Variants in INTS4 observed in about 807,000 individuals in gnomAD.
The protein encoded by INTS4 is integrator complex subunit 4, also known as MSTP093.
Under a neutral mutation model 119.5 loss-of-function variants are expected in INTS4, and 70 were observed. The ratio of observed to expected loss-of-function variants is 0.59; its 90% CI spans 0.48 to 0.71. The LOEUF (loss-of-function observed/expected upper bound fraction) is 0.71, where lower values mean the gene tolerates loss of function less well. Among genes scored for constraint, INTS4 ranks in the 30% least tolerant of loss-of-function variants. INTS4 has a pLI of 0.00. For synonymous variants in INTS4, 316 were observed against 419.6 expected, an observed-to-expected ratio of 0.75 and a Z score of 3.02; for missense variants, 867 against 1,173.2, an observed-to-expected ratio of 0.74 and a Z score of 3.81.
intron 4 of INTS4, among the ~76,000 whole-genome samples, chr11:77,966,976 C>T (rs1855529621): frequency 6.6e-6 from 1 of 152,164 alleles, no homozygotes; most frequent in Admixed American, 6.5e-5. Flanking sequence ...TACCAATGCA[C>T]AAGGGTTCCA....
At chr11:77,907,986 T>TA (rs1375105942) in intron 15 of INTS4, among the ~76,000 whole-genome samples, 176 bp from the exon 16 acceptor site, 1 of 152,230 alleles carries the variant, frequency 6.6e-6, no homozygotes, top group Non-Finnish European at 1.5e-5. Context: ...ACTGTGATAG[T>TA]AGTTTAAGCT....
At chr11:77,886,443 G>A (rs1273067075) in intron 21 of INTS4, among the ~76,000 whole-genome samples, 3 of 151,098 alleles carry the variant, frequency 2.0e-5, no homozygotes, top group Non-Finnish European at 4.4e-5. Flanking sequence ...GAAGGCCCGC[G>A]GCGGGTGTTG....
rs1253373462 is a variant in INTS4, at chr11:77,941,131, C to T, written c.990+49G>A. ...CAACACAACTCAGCATACTGCCCCA[C>T]TACATTGGTTACAGAAACCCACTTT... is the stretch of plus-strand genomic sequence containing the variant. On this transcript the variant is annotated intron_variant, in intron 9 of 22. Coordinates refer to ENST00000534064, the MANE Select transcript of INTS4 (RefSeq NM_033547.4). 3 of 1,601,996 alleles carry T rather than the reference C, an allele frequency of 1.9e-6. No individual in the cohort carries two copies. In the African/African-American group the frequency reaches 4.0e-5, roughly 22 times the overall value.
chr11:77,962,292 A>G (rs1372239776), intron 4 of INTS4, among the ~76,000 whole-genome samples: 1 of 152,224 alleles, frequency 6.6e-6, no homozygotes, highest in African/African-American at 2.4e-5. Flanking sequence ...CCAAAAAAGA[A>G]GATATTGCCA....
Position 77,954,825 on chromosome 11 carries a change from ATGGACCAG to A in INTS4, c.918+1109_918+1116del, listed in dbSNP as rs1954279383. 2.6e-5 allele frequency among the ~76,000 whole-genome samples: 4 copies of A among 152,322 alleles called. No individual in the cohort carries two copies. In the South Asian group the frequency reaches 8.3e-4, roughly 32 times the overall value. Reference sequence around the variant, plus strand: ...TGTGTGGCCTGGTTCCTAACAAGCCATGGACCAGGACTGGTCCACAGCCTGGGGGTTTG... The same window carrying A: ...TGTGTGGCCTGGTTCCTAACAAGCCAGACTGGTCCACAGCCTGGGGGTTTG... On this transcript the variant is annotated intron_variant, in intron 8 of 22. Transcript: ENST00000534064.
At chr11:77,931,579 A>G (rs1047232179) in intron 10 of INTS4, among the ~76,000 whole-genome samples, 3 of 152,168 alleles carry the variant, frequency 2.0e-5, no homozygotes, top group Non-Finnish European at 4.4e-5. Context: ...CATCTCATGT[A>G]CCCCTTAAAT....
At chr11:77,875,624 T>C (rs1324407304), downstream of INTS4, among the ~76,000 whole-genome samples, 1 of 152,224 alleles carries the variant, frequency 6.6e-6, no homozygotes, top group African/African-American at 2.4e-5. Context: ...CCTGCCTACC[T>C]TTCTTAAGGG....
At position 77,956,719 on chromosome 11, in the gene INTS4, T is replaced by A. The variant is rs1450402619; in HGVS notation, c.798-657A>T. Reference sequence around the variant, plus strand: ...GAGACTCCATCTCAAAAAATAATAATAATAATAATAATAATAATAATAATA... The same window carrying A: ...GAGACTCCATCTCAAAAAATAATAAAAATAATAATAATAATAATAATAATA... On this transcript the variant is annotated intron_variant, in intron 7 of 22. Transcript: ENST00000534064. 1.5e-3 allele frequency among the ~76,000 whole-genome samples: 19 copies of A among 13,032 alleles called. 1 individual carries two copies. Among genetic ancestry groups the A allele is most frequent in the South Asian group, 2.7e-3 (3 of 1,118 alleles). The allele number at this position is 13,032 out of a possible 152,430, so 8.5% of individuals were successfully genotyped here.
intron 4 of INTS4, chr11:77,963,359 AAAAAAAAAAAAAAAAC>A: frequency 2.6e-6 from 1 of 383,798 alleles, no homozygotes. Context: ...TCTCAAAAAA[AAAAAAAAAAAAAAAAC>A]AAAAAAAACT....
chr11:77,923,831 C>G (rs1251190861), intron 12 of INTS4, among the ~76,000 whole-genome samples: 1 of 148,100 alleles, frequency 6.8e-6, no homozygotes, highest in South Asian at 2.1e-4. Flanking sequence ...GTGGCACAAT[C>G]TCGGCTCACT....
chr11:77,950,970 G>C (rs1441706646), intron 8 of INTS4, among the ~76,000 whole-genome samples: 4 of 150,144 alleles, frequency 2.7e-5, no homozygotes, highest in African/African-American at 9.8e-5. Context: ...AGAACAGGCG[G>C]TGTTTGGATT....
intron 22 of INTS4, among the ~76,000 whole-genome samples, chr11:77,879,681 G>A (rs1275965835): frequency 6.6e-6 from 1 of 152,086 alleles, no homozygotes; most frequent in East Asian, 1.9e-4. Context: ...ATTATCTTAC[G>A]ATATAATCAT....
At chr11:77,918,490 G>C (rs1953261814) in intron 15 of INTS4, 1 of 260,374 alleles carries the variant, frequency 3.8e-6, no homozygotes, top group South Asian at 5.8e-5. Flanking sequence ...CTGCCTATGA[G>C]AAAGAATTAA....
chr11:77,965,762 T>C (rs1413792953), intron 4 of INTS4, among the ~76,000 whole-genome samples: 2 of 152,236 alleles, frequency 1.3e-5, no homozygotes, highest in South Asian at 2.1e-4. Context: ...ACATTGGCTA[T>C]TGTGAATACT....
intron 2 of INTS4, chr11:77,987,771 G>A (rs1186872657): frequency 2.6e-6 from 1 of 382,244 alleles, no homozygotes; most frequent in Non-Finnish European, 5.3e-6. Context: ...CTCCTCAGGA[G>A]GCTGAGGTGG....
At position 77,936,538 on chromosome 11, in the gene INTS4, A is replaced by G. The variant is rs571125110; in HGVS notation, c.1165+2113T>C. Among the ~76,000 whole-genome samples the G allele has an allele frequency of 3.9e-5, 6 of 152,262 alleles. No individual in the cohort carries two copies. The East Asian group carries it at 1.2e-3, about 29-fold the overall frequency. ...GCTGGGACTAAAGGCATGCACAACC[A>G]TGTCTGGCTAATTTTAAATTTTTTG... On this transcript the variant is annotated intron_variant, in intron 10 of 22. Transcript: ENST00000534064.
chr11:77,973,801 T>G lies in INTS4; in HGVS notation c.471+5195A>C, dbSNP rs182108171. Among the ~76,000 whole-genome samples the G allele has an allele frequency of 2.6e-5, 4 of 152,356 alleles. No homozygotes were observed. The East Asian group carries it at 7.7e-4, about 29-fold the overall frequency. Reference sequence around the variant, plus strand: ...CATTCCTGGAATAAATCCCACTTGATTATGGTATATACTCCTACTTGTATG... The same window carrying G: ...CATTCCTGGAATAAATCCCACTTGAGTATGGTATATACTCCTACTTGTATG... On this transcript the variant is annotated intron_variant, in intron 4 of 22. Coordinates refer to ENST00000534064, the MANE Select transcript of INTS4 (RefSeq NM_033547.4).
chr11:77,923,109 A>G (rs192897917), intron 12 of INTS4, among the ~76,000 whole-genome samples: 33 of 152,230 alleles, frequency 2.2e-4, no homozygotes, highest in East Asian at 1.7e-3. Flanking sequence ...CAGGAGGTCA[A>G]GAGATCAAGA....
chr11:77,981,364 A>G (rs1856212681), intron 3 of INTS4, 95 bp downstream of exon 3: 3 of 494,880 alleles, frequency 6.1e-6, no homozygotes, highest in South Asian at 4.7e-5. Context: ...TTCCTCTTCA[A>G]TAACAATCAA....
Sources: gnomAD v4.1 joint callset for allele counts (sites outside exome capture counted in the v4.1 genomes callset) on GRCh38, gnomAD v4.1.1 for gene constraint, MANE v1.5 for transcripts, NCBI Gene and HGNC (gene_info 2026-07-23, HGNC 2026-07-21) for gene names.